Variants in PIK3C2B observed in about 807,000 individuals in gnomAD.
PIK3C2B encodes the protein phosphatidylinositol-4-phosphate 3-kinase catalytic subunit type 2 beta.
A neutral mutation model predicts 184.3 loss-of-function variants in PIK3C2B; 83 were observed. The ratio of observed to expected loss-of-function variants is 0.45; its 90% CI spans 0.38 to 0.54. The LOEUF is 0.54. PIK3C2B is among the 20% of genes least tolerant of loss of function. PIK3C2B has a pLI of 0.00. For synonymous variants in PIK3C2B, 779 were observed against 837.6 expected (o/e 0.93, Z 1.21); for missense variants, 1,736 against 2,113.5 (o/e 0.82, Z 3.50).
At chr1:204,458,262 T>C (rs1655031531) in intron 8 of PIK3C2B, among the ~76,000 whole-genome samples, 1 of 152,166 alleles carries the variant, frequency 6.6e-6, no homozygotes, top group South Asian at 2.1e-4. Context: ...CCTCTGGAAT[T>C]ATGCTCCTGG....
intron 2 of PIK3C2B, among the ~76,000 whole-genome samples, chr1:204,466,319 T>C (rs144407659): frequency 3.9e-5 from 6 of 152,194 alleles, no homozygotes; most frequent in South Asian, 2.1e-4. Flanking sequence ...CCTGTGCACA[T>C]AGCAACGCCT....
chr1:204,453,335 T>C (rs1558252952), intron 12 of PIK3C2B, among the ~76,000 whole-genome samples: 1 of 152,246 alleles, frequency 6.6e-6, no homozygotes, highest in Non-Finnish European at 1.5e-5. Flanking sequence ...CTCCGTTTCC[T>C]TCCTGCTTTG....
intron 5 of PIK3C2B, among the ~76,000 whole-genome samples, chr1:204,462,869 C>T (rs1312945630): frequency 6.6e-6 from 1 of 152,198 alleles, no homozygotes; most frequent in African/African-American, 2.4e-5. Flanking sequence ...GCCTGGCCAA[C>T]ATGGTGAAAC....
chr1:204,486,982 A>C (rs1184059594), intron 1 of PIK3C2B, among the ~76,000 whole-genome samples: 2 of 152,042 alleles, frequency 1.3e-5, no homozygotes, highest in African/African-American at 4.8e-5. Context: ...TAATCTTTGT[A>C]TTTTCAGTAG....
intron 1 of PIK3C2B, among the ~76,000 whole-genome samples, chr1:204,480,976 G>T (rs762685495): frequency 6.6e-6 from 1 of 151,940 alleles, no homozygotes; most frequent in Non-Finnish European, 1.5e-5. Flanking sequence ...AAATATCAAG[G>T]CAATCCCTAA....
At chr1:204,431,572 G>A (rs919459349) in intron 28 of PIK3C2B, 97 bp downstream of exon 28, 74 of 1,447,144 alleles carry the variant, frequency 5.1e-5, no homozygotes, top group Admixed American at 1.3e-4. Flanking sequence ...TAGTCCAAAA[G>A]GGTATTTTCT....
chr1:204,432,994 A>C (rs1452397184), intron 26 of PIK3C2B, among the ~76,000 whole-genome samples: 1 of 152,258 alleles, frequency 6.6e-6, no homozygotes, highest in Non-Finnish European at 1.5e-5. Flanking sequence ...GAAAGTTAAA[A>C]GTTATTACAA....
chr1:204,466,483 G>C (rs545506993), intron 2 of PIK3C2B, among the ~76,000 whole-genome samples: 2 of 149,078 alleles, frequency 1.3e-5, no homozygotes, highest in African/African-American at 5.2e-5. Context: ...CATGGGCGGC[G>C]GGGGGTGGGG....
chr1:204,451,180 C>T (rs1265960369), intron 12 of PIK3C2B, among the ~76,000 whole-genome samples: 5 of 152,202 alleles, frequency 3.3e-5, no homozygotes, highest in African/African-American at 9.7e-5. Context: ...TGACAAAGCA[C>T]GGCTGCTGAG....
intron 12 of PIK3C2B, among the ~76,000 whole-genome samples, chr1:204,451,018 G>A (rs776114516): frequency 3.9e-5 from 6 of 152,184 alleles, no homozygotes; most frequent in Non-Finnish European, 7.3e-5. Context: ...TCCTCCAGAG[G>A]AATCTCCACC....
Position 204,457,762 on chromosome 1 carries a change from G to T in PIK3C2B, c.1679C>A (p.Pro560His). 8 of 1,612,292 alleles carry T rather than the reference G, an allele frequency of 5.0e-6. No homozygotes were observed. Among genetic ancestry groups the T allele is most frequent in the Non-Finnish European group, 6.8e-6 (8 of 1,179,224 alleles). Residue 560 changes from proline to histidine, a missense_variant, in exon 9 of 33, where the codon CCC (proline) becomes CAC (histidine). Transcript: ENST00000684373. ...EITSALNQLP[P>H]CPSRMQPKIQ... ...TTTAGGCTGCATGCGGGAGGGGCAG[G>T]GGGGCAGCTGGTTGAGAGCACTGGT... is the stretch of plus-strand genomic sequence containing the variant.
At chr1:204,470,209 C>T (rs2103517455) in intron 1 of PIK3C2B, among the ~76,000 whole-genome samples, 1 of 150,956 alleles carries the variant, frequency 6.6e-6, no homozygotes, top group Middle Eastern at 3.4e-3. Context: ...GCTGTGTCAC[C>T]CAGGCTGGAA....
At chr1:204,457,123 C>T (rs767078934) in intron 9 of PIK3C2B, 53 bp from the exon 10 acceptor site, 38 of 1,498,228 alleles carry the variant, frequency 2.5e-5, no homozygotes, top group Non-Finnish European at 3.4e-5. Flanking sequence ...CCTTTTTCGT[C>T]ACAGCTGGAA....
Position 204,449,232 on chromosome 1 carries a change from G to T in PIK3C2B, c.2299C>A (p.Arg767Ser). ...WPATQENPSARWSAPNFHQPD... is the reference protein window; with the variant it reads ...WPATQENPSASWSAPNFHQPD... ...TGGTGGAAATTAGGTGCACTCCAAC[G>T]GGCGCTGGGATTTTCCTGTGTTGCT... The change falls in exon 14 of 33, where the codon CGT (arginine) becomes AGT (serine). Residue 767 changes from arginine (R) to serine (S), a missense_variant. Transcript: ENST00000684373. 1.2e-6 allele frequency: 2 copies of T among 1,613,050 alleles called. No homozygotes were observed. The highest frequency in any genetic ancestry group is 1.7e-6 in the Non-Finnish European group (2 of 1,179,768).
intron 5 of PIK3C2B, among the ~76,000 whole-genome samples, chr1:204,461,106 C>A (rs1218095021): frequency 6.6e-6 from 1 of 152,120 alleles, no homozygotes; most frequent in African/African-American, 2.4e-5. Flanking sequence ...AGCGAGAGAC[C>A]CCTCTTCCAA....
intron 1 of PIK3C2B, among the ~76,000 whole-genome samples, chr1:204,488,626 AG>A (rs1319171217): frequency 6.6e-6 from 1 of 152,228 alleles, no homozygotes; most frequent in African/African-American, 2.4e-5. Flanking sequence ...AATGCCCAAA[AG>A]ATAAAATGCA....
At chr1:204,492,100 T>A (rs901951419) in intron 1 of PIK3C2B, among the ~76,000 whole-genome samples, 9 of 152,068 alleles carry the variant, frequency 5.9e-5, no homozygotes, top group African/African-American at 2.2e-4. Context: ...TCCCACCCTA[T>A]CCCCATCCCT....
At chr1:204,482,613 C>T (rs1657258709) in intron 1 of PIK3C2B, among the ~76,000 whole-genome samples, 1 of 151,958 alleles carries the variant, frequency 6.6e-6, no homozygotes, top group African/African-American at 2.4e-5. Context: ...GGTGAAACCC[C>T]GTCTCCACCA....
chr1:204,460,494 G>A (rs1655237956), intron 6 of PIK3C2B, 56 bp downstream of exon 6: 3 of 1,549,836 alleles, frequency 1.9e-6, no homozygotes, highest in Admixed American at 1.7e-5. Context: ...GTTCTATATT[G>A]TATTCCCATT....
Sources: allele counts gnomAD v4.1 joint callset (sites outside exome capture counted in the v4.1 genomes callset), GRCh38; gene constraint gnomAD v4.1.1; transcripts MANE v1.5; gene names NCBI Gene and HGNC (gene_info 2026-07-23, HGNC 2026-07-21).